The following MYO19 variants were observed in gnomAD, a reference collection of about 807,000 sequenced individuals.
The protein encoded by MYO19 is myosin XIX.
MYO19 carries 132 observed loss-of-function variants against 129.2 expected under a neutral mutation model. The observed-to-expected ratio is 1.02, with a 90% CI of 0.89 to 1.18. The LOEUF (loss-of-function observed/expected upper bound fraction) is 1.18. MYO19 is among the 50% of genes most tolerant of loss of function. The probability of loss-of-function intolerance (pLI) is 0.00; values close to 1 mark genes in which losing one functional copy is unlikely to be tolerated. For missense variants in MYO19, 1,210 were observed against 1,216.7 expected, an observed-to-expected ratio of 0.99 and a Z score of 0.08; for synonymous variants, 531 against 477.2, an observed-to-expected ratio of 1.11 and a Z score of -1.47.
chr17:36,513,612 G>A lies in MYO19; in HGVS notation c.817+17C>T. On this transcript the variant is annotated intron_variant, in intron 10 of 25. Transcript: ENST00000614623. ...GATGCTGGGTCAGCGCAAGGTGCTG[G>A]ATGGGGCTCCCCTTACCTTCTAAGC... is the stretch of plus-strand genomic sequence containing the variant. 6.2e-7 allele frequency: 1 copy of A among 1,613,990 alleles called. No individual in the cohort carries two copies. Among genetic ancestry groups the A allele is most frequent in the Non-Finnish European group, 8.5e-7 (1 of 1,179,850 alleles).
intron 5 of MYO19, among the ~76,000 whole-genome samples, chr17:36,527,210 G>A (rs2073525661): frequency 6.6e-6 from 1 of 151,630 alleles, no homozygotes; most frequent in Admixed American, 6.6e-5. Flanking sequence ...AAAATAAAAA[G>A]GTAGTTTGTT....
At chr17:36,499,995 A>C (rs1014627512) in intron 23 of MYO19, 1 of 151,552 alleles carries the variant, frequency 6.6e-6, no homozygotes, top group Non-Finnish European at 1.5e-5. Context: ...AGTAGCTAGG[A>C]TTATAGGTGC....
chr17:36,517,114 A>C (rs1250177834), intron 6 of MYO19, among the ~76,000 whole-genome samples: 2 of 152,060 alleles, frequency 1.3e-5, no homozygotes, highest in Non-Finnish European at 2.9e-5. Flanking sequence ...ATTTCATCTA[A>C]ATTGTATAAT....
At chr17:36,504,912 CAA>C (rs35146983) in intron 19 of MYO19, 12,323 of 186,552 alleles carry the variant, frequency 0.066, 1 homozygote, top group South Asian at 0.13. Context: ...GGCTCAGTCT[CAA>C]AAAAAAAAAA....
chr17:36,502,344 G>A (rs1315834825), intron 21 of MYO19, among the ~76,000 whole-genome samples: 1 of 152,154 alleles, frequency 6.6e-6, no homozygotes, highest in Non-Finnish European at 1.5e-5. Flanking sequence ...AGTCACCCAT[G>A]CCCGGGCTCT....
In MYO19 at chr17:36,509,227, G is replaced by A. The variant is rs187653998; in HGVS notation, c.1158-92C>T. ...TCCCCCCATCAGGGTGCTACACCCT[G>A]GGGGGCCCTTGTATTCTGAGCCTGA... On this transcript the variant is annotated intron_variant, in intron 13 of 25. Coordinates refer to ENST00000614623, the MANE Select transcript of MYO19 (RefSeq NM_001163735.2). 4.4e-4 allele frequency: 490 copies of A among 1,107,438 alleles called. 4 individuals carry two copies. In the South Asian group the frequency reaches 5.8e-3, roughly 13 times the overall value. The allele number at this position is 1,107,438 out of a possible 1,614,324, so 68.6% of individuals were successfully genotyped here.
chr17:36,495,712 T>TA lies in MYO19; in HGVS notation c.*538dup, dbSNP rs1946141408. On this transcript the variant is annotated 3_prime_UTR_variant, in exon 26 of 26. Coordinates refer to ENST00000614623, the MANE Select transcript of MYO19 (RefSeq NM_001163735.2). ...ATCAAGCTTACACTTCATATGGAGT[T>TA]AAACTTGGTCAGTGTTAATAAAATC... The TA allele has an allele frequency of 8.0e-7, 1 of 1,252,826 alleles. No homozygotes were observed. Among genetic ancestry groups the TA allele is most frequent in the African/African-American group, 1.5e-5 (1 of 64,896 alleles). The allele number at this position is 1,252,826 out of a possible 1,614,324, so 77.6% of individuals were successfully genotyped here. A position where few individuals can be genotyped will look rare whatever the true frequency, so the allele number is the denominator to read the frequency against.
chr17:36,510,930 A>G lies in MYO19; in HGVS notation c.986-13T>C. The G allele has an allele frequency of 6.4e-7, 1 of 1,561,090 alleles. No individual in the cohort carries two copies. On this transcript the variant is annotated splice_polypyrimidine_tract_variant and intron_variant, in intron 12 of 25. Coordinates refer to ENST00000614623, the MANE Select transcript of MYO19 (RefSeq NM_001163735.2). The stretch of plus-strand genomic sequence containing the variant: ...GTCCTGACAGAGTCTGGGAGGGGCA[A>G]ATCCTCTTTAGGCAAATCACTCTCC...
At chr17:36,537,317 G>A (rs763524260), upstream of MYO19, 28 of 1,613,506 alleles carry the variant, frequency 1.7e-5, 1 homozygote, top group South Asian at 2.9e-4. Flanking sequence ...TAGCCACTTT[G>A]ACCATTTGGG....
Position 36,506,520 on chromosome 17 carries a change from TTC to T in MYO19, c.1731_1732del (p.Lys578AspfsTer116). On this transcript the variant is annotated frameshift_variant, in exon 18 of 26. Transcript: ENST00000614623. LOFTEE classifies it high-confidence loss of function. The stretch of plus-strand genomic sequence containing the variant: ...CTGGCCAGGGGGTTCCTCCTGGGTC[TTC>T]TCTTTGGGGTTAGTAGGAAACAGCC... 1 of 1,605,726 alleles carries T rather than the reference TTC, an allele frequency of 6.2e-7. No individual in the cohort carries two copies. The highest frequency in any genetic ancestry group is 2.2e-5 in the East Asian group (1 of 44,764).
At position 36,528,204 on chromosome 17, in the gene MYO19, T is replaced by C; in HGVS notation, c.13-2A>G. 1 of 1,570,730 alleles carries C rather than the reference T, an allele frequency of 6.4e-7. No individual in the cohort carries two copies. Among genetic ancestry groups the C allele is most frequent in the South Asian group, 1.2e-5 (1 of 85,878 alleles). ...AGACCCCGGATTGTGGCCATTGACC[T>C]GGAAGAGATAACGTGAAGGTGAGGC... On this transcript the variant is annotated splice_acceptor_variant, in intron 3 of 25. Coordinates refer to ENST00000614623, the MANE Select transcript of MYO19 (RefSeq NM_001163735.2). LOFTEE classifies it high-confidence loss of function.
Position 36,525,244 on chromosome 17 carries a change from T to A in MYO19, c.398A>T (p.Glu133Val), listed in dbSNP as rs1369295334. The A allele has an allele frequency of 1.9e-6, 3 of 1,613,512 alleles. No homozygotes were observed. The highest frequency in any genetic ancestry group is 2.5e-6 in the Non-Finnish European group (3 of 1,179,628). Residue 133 changes from glutamate to valine, a missense_variant, in exon 6 of 26, where the codon GAG (glutamate) becomes GTG (valine). Coordinates refer to ENST00000614623, the MANE Select transcript of MYO19 (RefSeq NM_001163735.2). ...PVNQSIVVSG[E>V]SGAGKTWTSR... ...TCTTCCTACCTTTCCAGCACCACTCTCTCCACTGACAACAATAGACTGGTT... is the reference window on the plus strand; with the variant it reads ...TCTTCCTACCTTTCCAGCACCACTCACTCCACTGACAACAATAGACTGGTT...
At chr17:36,504,942 T>C (rs1315496921) in intron 19 of MYO19, 1 of 281,528 alleles carries the variant, frequency 3.6e-6, no homozygotes, top group Admixed American at 4.4e-5. Flanking sequence ...AAAAAAATGA[T>C]ACCTCCAGTG....
At chr17:36,507,290 T>C in intron 16 of MYO19, 109 bp downstream of exon 16, 2 of 1,424,586 alleles carry the variant, frequency 1.4e-6, no homozygotes, top group Non-Finnish European at 1.9e-6. Flanking sequence ...GCAGATCTAT[T>C]TGGCAGACTG....
chr17:36,534,198 C>G (rs932541336), intron 1 of MYO19, 94 bp from the exon 2 acceptor site: 1 of 152,366 alleles, frequency 6.6e-6, no homozygotes, highest in Admixed American at 6.5e-5. Context: ...CAGACTGTTT[C>G]TTTCTAGGCA....
chr17:36,543,737 G>A (rs140990981), upstream of MYO19, among the ~76,000 whole-genome samples: 10,778 of 152,132 alleles, frequency 0.071, 647 homozygotes, highest in African/African-American at 0.16. Flanking sequence ...TGATTGTCCC[G>A]TCTCAGCCTC....
chr17:36,514,401 T>A, intron 9 of MYO19, 45 bp downstream of exon 9: 1 of 1,282,780 alleles, frequency 7.8e-7, no homozygotes, highest in South Asian at 1.2e-5. Flanking sequence ...CACGGACCCA[T>A]CCCTGTCTCG....
At chr17:36,537,987 G>C (rs143449294), upstream of MYO19, 1 of 1,614,030 alleles carries the variant, frequency 6.2e-7, no homozygotes, top group Middle Eastern at 1.6e-4. Flanking sequence ...TGGCACACGG[G>C]TTGGTCTATT....
chr17:36,509,081 G>T lies in MYO19; in HGVS notation c.1212C>A (p.Asp404Glu). 1 of 1,613,844 alleles carries T rather than the reference G, an allele frequency of 6.2e-7. No individual in the cohort carries two copies. The highest frequency in any genetic ancestry group is 1.1e-5 in the South Asian group (1 of 91,030). Residue 404 changes from aspartate to glutamate, a missense_variant, in exon 14 of 26, where the codon GAC becomes GAA. Physicochemically the swap from Asp to Glu is conservative, Grantham distance 45. Coordinates refer to ENST00000614623, the MANE Select transcript of MYO19 (RefSeq NM_001163735.2). ...TGCTACCTATGAAAGTGGTCCACGA[G>T]TCGGTGTCTGCACAGATGCTGCTGT... ...VINSSICADT[D>E]SWTTFIGLLD...
Sources: gnomAD v4.1 joint callset for allele counts (sites outside exome capture counted in the v4.1 genomes callset) on GRCh38, gnomAD v4.1.1 for gene constraint, MANE v1.5 for transcripts, NCBI Gene and HGNC (gene_info 2026-07-23, HGNC 2026-07-21) for gene names.